CCDC146: variants seen among roughly 807,000 people sequenced by gnomAD.
CCDC146 encodes coiled-coil domain containing 146.
CCDC146 carries 92 observed loss-of-function variants against 119.3 expected under a neutral mutation model. The observed-to-expected ratio is 0.77, with a 90% CI of 0.65 to 0.92. CCDC146 has a LOEUF of 0.92. CCDC146 is among the 40% of genes least tolerant of loss of function. The pLI is 0.00. For synonymous variants in CCDC146, 372 were observed against 371.8 expected (o/e 1.00, Z -0.01); for missense variants, 1,000 against 1,103.0 (o/e 0.91, Z 1.32).
chr7:77,281,835 A>G (rs1480111771), intron 14 of CCDC146, among the ~76,000 whole-genome samples: 3 of 152,172 alleles, frequency 2.0e-5, no homozygotes, highest in Non-Finnish European at 4.4e-5. Context: ...AAGGGCTGGT[A>G]GGTTTTTCTC....
At chr7:77,151,111 G>A (rs1402270609) in intron 1 of CCDC146, among the ~76,000 whole-genome samples, 2 of 152,160 alleles carry the variant, frequency 1.3e-5, no homozygotes, top group African/African-American at 2.4e-5. Context: ...CTTCCAGGTC[G>A]CAGACTGCCA....
intron 1 of CCDC146, among the ~76,000 whole-genome samples, chr7:77,148,071 C>T (rs555948446): frequency 6.6e-6 from 1 of 152,350 alleles, no homozygotes; most frequent in East Asian, 1.9e-4. Context: ...GTTCGAGCTT[C>T]CAGGCCACTT....
chr7:77,281,028 G>A (rs1793753443), intron 14 of CCDC146, among the ~76,000 whole-genome samples: 1 of 151,912 alleles, frequency 6.6e-6, no homozygotes, highest in Admixed American at 6.6e-5. Flanking sequence ...GCTTGAACCC[G>A]GGAGGCAGAG....
chr7:77,220,887 T>A (rs1381377448), intron 2 of CCDC146, among the ~76,000 whole-genome samples: 1 of 152,140 alleles, frequency 6.6e-6, no homozygotes, highest in Non-Finnish European at 1.5e-5. Flanking sequence ...TGTAAGGAAA[T>A]ACCTGAGACT....
In CCDC146 at chr7:77,260,051, A is replaced by T; in HGVS notation, c.801A>T (p.Lys267Asn). Residue 267 changes from lysine to asparagine, a missense_variant, in exon 8 of 19, where the codon AAA (lysine) becomes AAT (asparagine). Lys to Asn is a moderately conservative substitution (Grantham distance 94). Transcript: ENST00000285871. ...KKKIVLEQEV[K>N]TLNDSLKKVE... ...AAATTGTCTTGGAACAAGAAGTCAA[A>T]ACGCTAAATGACTCCCTAAAGAAAG... The T allele has an allele frequency of 6.2e-7, 1 of 1,612,838 alleles. No homozygotes were observed. The highest frequency in any genetic ancestry group is 8.5e-7 in the Non-Finnish European group (1 of 1,179,558).
chr7:77,273,757 G>A lies in CCDC146; in HGVS notation c.1237G>A (p.Val413Ile), dbSNP rs1793572457. The A allele has an allele frequency of 1.2e-6, 2 of 1,611,206 alleles. No individual in the cohort carries two copies. Among genetic ancestry groups the A allele is most frequent in the Admixed American group, 1.7e-5 (1 of 59,862 alleles). ...GAGAAGGCGAGAGCTTCACAAGGAA[G>A]TTGAAGTAGCTAAGAGGAATTTGGC... ...SERRRELHKE[V>I]EVAKRNLAQQ... Residue 413 changes from valine to isoleucine, a missense_variant, in exon 10 of 19, where the codon GTT becomes ATT. Transcript: ENST00000285871.
intron 12 of CCDC146, 31 bp from the exon 13 acceptor site, chr7:77,278,906 A>G: frequency 6.2e-7 from 1 of 1,602,146 alleles, no homozygotes; most frequent in Non-Finnish European, 8.5e-7. Flanking sequence ...TTCATTTCAT[A>G]AGTTTCAGTA....
rs142218364 is a variant in CCDC146 at position 77,133,828 on chromosome 7, TAC to T, written c.-12+11121_-12+11122del. On this transcript the variant is annotated intron_variant, in intron 1 of 18. Transcript: ENST00000285871. ...GAAAAATCAATTACATATGCTTAGGTACACACACACACACACACACACACACT... is the reference window on the plus strand; with the variant it reads ...GAAAAATCAATTACATATGCTTAGGTACACACACACACACACACACACACT... Among the ~76,000 whole-genome samples the T allele has an allele frequency of 3.8e-3, 544 of 143,324 alleles. 1 individual carries two copies. The highest frequency in any genetic ancestry group is 8.0e-3 in the African/African-American group (287 of 35,938). 94.0% of individuals were successfully genotyped at this position (143,324 alleles called of 152,430 possible). A position where few individuals can be genotyped will look rare whatever the true frequency, so the allele number is the denominator to read the frequency against.
At chr7:77,285,015 A>G (rs534603465) in intron 15 of CCDC146, among the ~76,000 whole-genome samples, 5 of 150,816 alleles carry the variant, frequency 3.3e-5, no homozygotes, top group African/African-American at 1.2e-4. Context: ...CCTTTTTTGC[A>G]TCATTTTCAG....
intron 1 of CCDC146, among the ~76,000 whole-genome samples, chr7:77,142,774 A>G (rs980342566): frequency 1.3e-5 from 2 of 151,734 alleles, no homozygotes; most frequent in African/African-American, 2.4e-5. Flanking sequence ...ATAGTATTCC[A>G]TGGTGTATAT....
At chr7:77,149,847 A>T (rs1188575138) in intron 1 of CCDC146, among the ~76,000 whole-genome samples, 9 of 151,958 alleles carry the variant, frequency 5.9e-5, no homozygotes, top group Admixed American at 5.9e-4. Flanking sequence ...ACTATATTTT[A>T]CTAGTATAAG....
chr7:77,207,455 G>A (rs569894588), intron 2 of CCDC146, among the ~76,000 whole-genome samples: 5 of 152,060 alleles, frequency 3.3e-5, no homozygotes, highest in Non-Finnish European at 7.4e-5. Flanking sequence ...TTTTGATAGT[G>A]TTTATTTGTA....
intron 2 of CCDC146, among the ~76,000 whole-genome samples, chr7:77,179,490 A>C (rs770512110): frequency 6.6e-6 from 1 of 152,150 alleles, no homozygotes; most frequent in Non-Finnish European, 1.5e-5. Context: ...TATTTATACA[A>C]TTTTTATTTT....
rs1792119813 is a variant in CCDC146 at position 77,208,454 on chromosome 7, CTG to C, written c.157-28491_157-28490del. 3.3e-5 allele frequency among the ~76,000 whole-genome samples: 5 copies of C among 152,262 alleles called. No individual in the cohort carries two copies. The South Asian group carries it at 8.3e-4, about 25-fold the overall frequency. On this transcript the variant is annotated intron_variant, in intron 2 of 18. Transcript: ENST00000285871. The stretch of plus-strand genomic sequence containing the variant: ...TTACTGTACTGAATACTGTATACAA[CTG>C]TAACACAATGGTATTTGTGTATCTA...
At chr7:77,259,152 C>T (rs1793240020) in intron 7 of CCDC146, 84 bp downstream of exon 7, 2 of 739,716 alleles carry the variant, frequency 2.7e-6, no homozygotes, top group South Asian at 1.9e-5. Flanking sequence ...CCATTGGACA[C>T]ATTAAATTAC....
At chr7:77,210,751 G>C (rs956197591) in intron 2 of CCDC146, among the ~76,000 whole-genome samples, 21 of 152,178 alleles carry the variant, frequency 1.4e-4, no homozygotes, top group African/African-American at 5.1e-4. Context: ...CAGGAAACAT[G>C]GGTAGGGAGG....
chr7:77,254,543 GA>G lies in CCDC146; in HGVS notation c.488del (p.Glu163GlyfsTer3). ...AAAAATCATCATAGTAAAAGAATTT[GA>G]GAAGATAACAAAGCCAGGAGTAAGT... ...EEKIIIVKEF[E>X]KITKPGEMEK... On this transcript the variant is annotated frameshift_variant, in exon 5 of 19. Coordinates refer to ENST00000285871, the MANE Select transcript of CCDC146 (RefSeq NM_020879.3). 6.5e-7 allele frequency: 1 copy of G among 1,536,668 alleles called. No homozygotes were observed. Among genetic ancestry groups the G allele is most frequent in the Non-Finnish European group, 9.0e-7 (1 of 1,115,436 alleles).
At chr7:77,199,190 A>G in intron 2 of CCDC146, 1 of 1,613,080 alleles carries the variant, frequency 6.2e-7, no homozygotes, top group Non-Finnish European at 8.5e-7. Context: ...CCTGGACGTG[A>G]CTGTATTTGT....
intron 4 of CCDC146, among the ~76,000 whole-genome samples, chr7:77,245,641 T>G (rs566591875): frequency 6.6e-6 from 1 of 152,320 alleles, no homozygotes; most frequent in East Asian, 1.9e-4. Context: ...CTGGTTCCTG[T>G]GGTCCTTGTT....
Sources: allele counts gnomAD v4.1 joint callset (sites outside exome capture counted in the v4.1 genomes callset), GRCh38; gene constraint gnomAD v4.1.1; transcripts MANE v1.5; gene names NCBI Gene and HGNC (gene_info 2026-07-23, HGNC 2026-07-21).